The following GNL3L variants were observed in gnomAD, a reference collection of about 807,000 sequenced individuals.
GNL3L encodes the protein G protein nucleolar 3 like, also known as guanine nucleotide-binding protein-like 3-like protein.
A neutral mutation model predicts 42.9 loss-of-function variants in GNL3L; 4 were observed. That is an observed-to-expected ratio of 0.09 (90% CI 0.05 to 0.21). The LOEUF is 0.21. Among genes scored for constraint, GNL3L ranks in the 10% least tolerant of loss-of-function variants. GNL3L has a pLI of 1.00. For synonymous variants in GNL3L, 159 were observed against 176.3 expected, an observed-to-expected ratio of 0.90 and a Z score of 0.78; for missense variants, 412 against 481.7, an observed-to-expected ratio of 0.86 and a Z score of 1.36.
intron 4 of GNL3L, 132 bp from the exon 5 acceptor site, chrX:54,541,141 A>C: frequency 2.2e-6 from 1 of 459,807 alleles, no homozygotes. Flanking sequence ...TCCTGATGTC[A>C]TATCTTCCCT....
chrX:54,564,194 A>G lies in GNL3L; in HGVS notation c.*3592A>G, dbSNP rs1246276226. 9.0e-6 allele frequency among the ~76,000 whole-genome samples: 1 copy of G among 111,038 alleles called. No homozygotes were observed. The highest frequency in any genetic ancestry group is 1.9e-5 in the Non-Finnish European group (1 of 53,086). On this transcript the variant is annotated 3_prime_UTR_variant, in exon 16 of 16. Transcript: ENST00000360845. ...TTTATGCCTTCAGGTTTTAAAAATT[A>G]TAAACATTTACATTACAGTAAAATT...
downstream of GNL3L, among the ~76,000 whole-genome samples, chrX:54,568,274 T>C (rs1168991157): frequency 8.9e-6 from 1 of 112,079 alleles, no homozygotes; most frequent in Non-Finnish European, 1.9e-5. Flanking sequence ...GCCTATTCTT[T>C]TAATAAATTG....
intron 16 of GNL3L, among the ~76,000 whole-genome samples, chrX:54,606,788 A>G (rs1027486036): frequency 9.1e-6 from 1 of 109,535 alleles, no homozygotes; most frequent in Admixed American, 9.8e-5. Flanking sequence ...CTACAGGTGC[A>G]TGCCACCACG....
At chrX:54,604,886 C>T (rs1410151731) in intron 16 of GNL3L, among the ~76,000 whole-genome samples, 1 of 111,607 alleles carries the variant, frequency 9.0e-6, no homozygotes, top group Non-Finnish European at 1.9e-5. Flanking sequence ...CGGATGAGTA[C>T]GTGTAAAATG....
intron 16 of GNL3L, among the ~76,000 whole-genome samples, chrX:54,580,590 G>A (rs1165154363): frequency 1.8e-5 from 2 of 110,563 alleles, no homozygotes; most frequent in Non-Finnish European, 3.8e-5. Flanking sequence ...CTTCCAGTGT[G>A]GTTGAACTAG....
At chrX:54,589,855 A>G (rs1925842328) in intron 16 of GNL3L, among the ~76,000 whole-genome samples, 1 of 111,559 alleles carries the variant, frequency 9.0e-6, no homozygotes, top group African/African-American at 3.3e-5. Flanking sequence ...ATTCCCATCA[A>G]CAGTGTGCAA....
chrX:54,622,833 A>C (rs1180192636), downstream of GNL3L, among the ~76,000 whole-genome samples: 1 of 111,276 alleles, frequency 9.0e-6, no homozygotes, highest in Non-Finnish European at 1.9e-5. Flanking sequence ...TATTTTCCTA[A>C]GGGTTTTATG....
At chrX:54,571,498 C>CT (rs1161595672), downstream of GNL3L, among the ~76,000 whole-genome samples, 3,345 of 86,454 alleles carry the variant, frequency 0.039, 115 homozygotes, top group East Asian at 0.069. Flanking sequence ...TGCGCCCGGC[C>CT]TTTTTTTTTT....
intron 14 of GNL3L, 63 bp from the exon 15 acceptor site, chrX:54,558,373 A>G: frequency 2.5e-6 from 2 of 815,161 alleles, no homozygotes; most frequent in Non-Finnish European, 3.7e-6. Flanking sequence ...CCTTTTCTGC[A>G]GAAGTCTTTG....
intron 16 of GNL3L, among the ~76,000 whole-genome samples, chrX:54,583,073 A>C (rs1925738694): frequency 8.9e-6 from 1 of 111,862 alleles, no homozygotes; most frequent in Non-Finnish European, 1.9e-5. Context: ...TCATTTGTTG[A>C]ATGCGTGGTT....
At position 54,583,029 on chromosome X, in the gene GNL3L, CTT is replaced by C. The variant is rs763180343; in HGVS notation, c.*45+22383_*45+22384del. Among the ~76,000 whole-genome samples, 41 of 111,666 alleles carry C rather than the reference CTT, an allele frequency of 3.7e-4. 2 individuals carry two copies. The South Asian group carries it at 0.015, about 41-fold the overall frequency. The stretch of plus-strand genomic sequence containing the variant: ...TTATTATTATTATTTACTCTGGAGT[CTT>C]GAGAGAGTTCTTTATGTATTCTAGA... On this transcript the variant is annotated intron_variant, in intron 16 of 16. Transcript: ENST00000674498.
chrX:54,602,839 C>G (rs148949624), intron 16 of GNL3L, among the ~76,000 whole-genome samples: 1 of 111,431 alleles, frequency 9.0e-6, no homozygotes, highest in Non-Finnish European at 1.9e-5. Context: ...CAAAGTCTGC[C>G]TACAATCTTA....
Position 54,566,077 on chromosome X carries a change from T to C in GNL3L, c.*5475T>C, listed in dbSNP as rs1925419981. ...CTCAAGTGATACACCCGTCTTAGCC[T>C]CCCAAAGTTCTGGGATTACAGGCAT... is the stretch of plus-strand genomic sequence containing the variant. On this transcript the variant is annotated 3_prime_UTR_variant, in exon 16 of 16. Coordinates refer to ENST00000360845, the MANE Select transcript of GNL3L (RefSeq NM_001184819.2). Among the ~76,000 whole-genome samples the C allele has an allele frequency of 9.0e-6, 1 of 111,476 alleles. No individual in the cohort carries two copies. Among genetic ancestry groups the C allele is most frequent in the Admixed American group, 9.6e-5 (1 of 10,397 alleles).
rs1381939617 is a variant in GNL3L at position 54,551,821 on chromosome X, C to G, written c.1039-11C>G. 5.0e-6 allele frequency: 6 copies of G among 1,211,755 alleles called. No individual in the cohort carries two copies. Among genetic ancestry groups the G allele is most frequent in the Non-Finnish European group, 6.7e-6 (6 of 895,149 alleles). ...CCTCCTCATGACTTCTCTCCTTCCT[C>G]CCTTCACCAGATTTCCAACTATTAT... On this transcript the variant is annotated splice_polypyrimidine_tract_variant and intron_variant, in intron 11 of 15. Coordinates refer to ENST00000360845, the MANE Select transcript of GNL3L (RefSeq NM_001184819.2).
At chrX:54,640,778 C>G in the GNL3L span, among the ~76,000 whole-genome samples, 7 of 112,330 alleles carry the variant, frequency 6.2e-5, no homozygotes, top group African/African-American at 2.3e-4. Flanking sequence ...CGAAATCAAA[C>G]CTGGTGGACT....
Position 54,562,795 on chromosome X carries a change from A to G in GNL3L, c.*2193A>G, listed in dbSNP as rs1353023909. On this transcript the variant is annotated 3_prime_UTR_variant, in exon 16 of 16. Coordinates refer to ENST00000360845, the MANE Select transcript of GNL3L (RefSeq NM_001184819.2). ...GGGACAGAGTGAGACTTCGTCTCGG[A>G]AAAAAAAAAAAAAAGTTGACAGGAT... Among the ~76,000 whole-genome samples the G allele has an allele frequency of 3.1e-5, 3 of 97,581 alleles. No homozygotes were observed. The highest frequency in any genetic ancestry group is 1.1e-4 in the Admixed American group (1 of 8,927). The allele number at this position is 97,581 out of a possible 115,157, so 84.7% of individuals were successfully genotyped here.
intron 2 of GNL3L, among the ~76,000 whole-genome samples, chrX:54,533,229 G>A (rs1442739072): frequency 9.1e-6 from 1 of 110,011 alleles, no homozygotes; most frequent in Admixed American, 9.9e-5. Context: ...TTGTACTAGT[G>A]ATTAAGAGCG....
At chrX:54,604,841 A>G (rs1229499879) in intron 16 of GNL3L, among the ~76,000 whole-genome samples, 1 of 112,081 alleles carries the variant, frequency 8.9e-6, no homozygotes, top group Non-Finnish European at 1.9e-5. Flanking sequence ...AATTAATAAT[A>G]GCTCCAACCT....
rs779223530 is a variant in GNL3L at position 54,566,761 on chromosome X, G to C, written c.*6159G>C. 8.9e-6 allele frequency among the ~76,000 whole-genome samples: 1 copy of C among 111,776 alleles called. No individual in the cohort carries two copies. Among genetic ancestry groups the C allele is most frequent in the South Asian group, 3.7e-4 (1 of 2,681 alleles). On this transcript the variant is annotated 3_prime_UTR_variant, in exon 16 of 16. Transcript: ENST00000360845. ...TGGCTATTGTGAAAAATGCTGTTAT[G>C]AATATGGGTATGGAGATCTCTCCCC... is the stretch of plus-strand genomic sequence containing the variant.
Sources: allele counts gnomAD v4.1 joint callset (sites outside exome capture counted in the v4.1 genomes callset), GRCh38; gene constraint gnomAD v4.1.1; transcripts MANE v1.5; gene names NCBI Gene and HGNC (gene_info 2026-07-23, HGNC 2026-07-21).